The following OXR1 variants were observed in gnomAD, a reference collection of about 807,000 sequenced individuals.
OXR1 encodes oxidation resistance 1, also known as oxidation resistance protein 1.
In OXR1, 41 loss-of-function variants were observed where a neutral mutation model predicts 104.6. That is an observed-to-expected ratio of 0.39 (90% CI 0.31 to 0.51). OXR1 has a LOEUF of 0.51. Among genes scored for constraint, OXR1 ranks in the 20% least tolerant of loss-of-function variants. The pLI is 0.77. For synonymous variants in OXR1, 348 were observed against 348.4 expected, an observed-to-expected ratio of 1.00 and a Z score of 0.01; for missense variants, 955 against 1,031.9, an observed-to-expected ratio of 0.93 and a Z score of 1.02.
chr8:106,665,007 C>CCTA (rs1826133236), intron 3 of OXR1, among the ~76,000 whole-genome samples: 1 of 152,116 alleles, frequency 6.6e-6, no homozygotes, highest in South Asian at 2.1e-4. Context: ...TAAGTAAAGA[C>CCTA]CTAAAATACT....
chr8:106,615,607 C>CAAAAAAAAAAAAAAAAAAGAAAAA (rs34898459), intron 3 of OXR1, among the ~76,000 whole-genome samples: 1 of 117,616 alleles, frequency 8.5e-6, no homozygotes. Context: ...GAATCTGTCT[C>CAAAAAAAAAAAAAAAAAAGAAAAA]AAAAAAAAAA....
chr8:106,561,081 G>A (rs1205521011), intron 3 of OXR1, among the ~76,000 whole-genome samples: 2 of 152,114 alleles, frequency 1.3e-5, no homozygotes, highest in Non-Finnish European at 2.9e-5. Flanking sequence ...AAAACTGGGT[G>A]GCCATTTGGG....
chr8:106,629,528 A>G (rs930952732), intron 3 of OXR1, among the ~76,000 whole-genome samples: 3 of 152,204 alleles, frequency 2.0e-5, no homozygotes, highest in Non-Finnish European at 4.4e-5. Context: ...GACAAAGTAA[A>G]TCATTGTCAT....
chr8:106,371,647 AT>A (rs1452545991), intron 2 of OXR1, among the ~76,000 whole-genome samples: 3 of 152,198 alleles, frequency 2.0e-5, no homozygotes, highest in African/African-American at 7.2e-5. Context: ...TAATTTCATT[AT>A]GTACCCAGGG....
chr8:106,366,822 G>A (rs1816488444), intron 2 of OXR1, among the ~76,000 whole-genome samples: 1 of 151,558 alleles, frequency 6.6e-6, no homozygotes, highest in African/African-American at 2.4e-5. Context: ...AAGAGACAGA[G>A]TAGAGTAACT....
intron 11 of OXR1, among the ~76,000 whole-genome samples, chr8:106,715,320 G>A (rs1832126140): frequency 6.6e-6 from 1 of 151,304 alleles, no homozygotes; most frequent in South Asian, 2.1e-4. Flanking sequence ...AGGGACAGGA[G>A]GGAACTTTAT....
intron 2 of OXR1, among the ~76,000 whole-genome samples, chr8:106,483,774 G>T (rs1221456503): frequency 6.6e-6 from 1 of 151,998 alleles, no homozygotes; most frequent in Non-Finnish European, 1.5e-5. Flanking sequence ...AACAGATTCT[G>T]AGAAATAGTG....
At chr8:106,611,140 A>G (rs1480219384) in intron 3 of OXR1, among the ~76,000 whole-genome samples, 3 of 152,256 alleles carry the variant, frequency 2.0e-5, no homozygotes, top group East Asian at 3.8e-4. Flanking sequence ...CAGTAGTCAG[A>G]GAACACCCCT....
At chr8:106,554,944 ATATC>A (rs1260803994) in intron 3 of OXR1, among the ~76,000 whole-genome samples, 3 of 152,178 alleles carry the variant, frequency 2.0e-5, no homozygotes. Flanking sequence ...ATACAACAGG[ATATC>A]TATATAGTAA....
chr8:106,306,067 G>A (rs983146815), intron 1 of OXR1, among the ~76,000 whole-genome samples: 1 of 150,852 alleles, frequency 6.6e-6, no homozygotes, highest in African/African-American at 2.4e-5. Flanking sequence ...TCATTAAAAT[G>A]CAGTATGAAT....
chr8:106,320,073 T>A (rs919625283), intron 1 of OXR1, among the ~76,000 whole-genome samples: 2 of 152,182 alleles, frequency 1.3e-5, no homozygotes, highest in Admixed American at 1.3e-4. Flanking sequence ...TAACTATGAT[T>A]GACATGTAAT....
At chr8:106,454,353 C>T (rs968829309) in intron 2 of OXR1, among the ~76,000 whole-genome samples, 4 of 150,896 alleles carry the variant, frequency 2.7e-5, no homozygotes, top group Non-Finnish European at 4.4e-5. Context: ...CCCAGCTACT[C>T]GGGAGGCTGA....
chr8:106,543,210 G>C (rs1448220237), intron 3 of OXR1, among the ~76,000 whole-genome samples: 2 of 152,082 alleles, frequency 1.3e-5, no homozygotes, highest in African/African-American at 4.8e-5. Context: ...TAAGTACTGT[G>C]CTTTGAATTA....
chr8:106,375,302 T>C (rs189954518), intron 2 of OXR1, among the ~76,000 whole-genome samples: 1 of 152,334 alleles, frequency 6.6e-6, no homozygotes, highest in East Asian at 1.9e-4. Flanking sequence ...GGTGCAAAAG[T>C]AATTGTGGTT....
intron 3 of OXR1, among the ~76,000 whole-genome samples, chr8:106,676,256 C>T (rs943355751): frequency 6.6e-6 from 1 of 152,044 alleles, no homozygotes; most frequent in African/African-American, 2.4e-5. Context: ...TTCTTGGTGT[C>T]TTATCCAGCT....
rs946183435 is a variant in OXR1, at chr8:106,377,686, T to A, written c.23+18050T>A. On this transcript the variant is annotated intron_variant, in intron 2 of 16. Coordinates refer to ENST00000517566, the MANE Select transcript of OXR1 (RefSeq NM_001198533.2). ...TCTGAAATTTGGCCTATGGAATTAA[T>A]TTTTTTTAAGCAGCGAATGCTATTT... Among the ~76,000 whole-genome samples the A allele has an allele frequency of 6.6e-5, 10 of 152,202 alleles. 1 individual carries two copies. The highest frequency in any genetic ancestry group is 4.6e-4 in the Admixed American group (7 of 15,286).
At chr8:106,741,055 T>G (rs1197379430) in intron 14 of OXR1, among the ~76,000 whole-genome samples, 2 of 152,124 alleles carry the variant, frequency 1.3e-5, no homozygotes, top group African/African-American at 4.8e-5. Context: ...ACTAATCACT[T>G]ATGCATTATG....
At chr8:106,524,407 A>G (rs1813497721) in intron 3 of OXR1, among the ~76,000 whole-genome samples, 1 of 152,198 alleles carries the variant, frequency 6.6e-6, no homozygotes. Context: ...ACTTCAGGGA[A>G]CTGGAGCTGG....
At chr8:106,638,709 A>G (rs896609055) in intron 3 of OXR1, among the ~76,000 whole-genome samples, 1 of 152,138 alleles carries the variant, frequency 6.6e-6, no homozygotes, top group African/African-American at 2.4e-5. Flanking sequence ...CCTGGCCAAC[A>G]TGGTGAAATC....
Sources: allele counts gnomAD v4.1 joint callset (sites outside exome capture counted in the v4.1 genomes callset), GRCh38; gene constraint gnomAD v4.1.1; transcripts MANE v1.5; gene names NCBI Gene and HGNC (gene_info 2026-07-23, HGNC 2026-07-21).